USP26: variants seen among roughly 807,000 people sequenced by gnomAD.
USP26 encodes ubiquitin specific peptidase 26.
For missense variants in USP26, 649 were observed against 642.3 expected (o/e 1.01, Z -0.11); for synonymous variants, 236 against 240.6 (o/e 0.98, Z 0.18).
At position 133,027,988 on chromosome X, in the gene USP26, T is replaced by C; in HGVS notation, c.233A>G (p.Asn78Ser). The change falls in exon 6 of 6, where the codon AAT becomes AGT. Residue 78 changes from asparagine (N) to serine (S), a missense_variant. Transcript: ENST00000511190. ...QNHLHLTLQN[N>S]NGLFIEGLSS... Reference sequence around the variant, plus strand: ...TAATCCTTCAATAAACAAGCCATTATTATTTTGTAAAGTTAAATGCAGGTG... The same window carrying C: ...TAATCCTTCAATAAACAAGCCATTACTATTTTGTAAAGTTAAATGCAGGTG... The C allele has an allele frequency of 6.6e-6, 8 of 1,211,762 alleles. No individual in the cohort carries two copies. Among genetic ancestry groups the C allele is most frequent in the Non-Finnish European group, 1.1e-6 (1 of 895,374 alleles).
intron 1 of USP26, among the ~76,000 whole-genome samples, chrX:133,096,187 T>C (rs1292950495): frequency 2.9e-5 from 3 of 103,298 alleles, no homozygotes; most frequent in African/African-American, 1.1e-4. Flanking sequence ...CCACCACAGC[T>C]AGAGAGGCAG....
At chrX:133,051,890 A>T (rs1289503448) in intron 5 of USP26, among the ~76,000 whole-genome samples, 2 of 112,322 alleles carry the variant, frequency 1.8e-5, no homozygotes, top group Non-Finnish European at 3.8e-5. Flanking sequence ...ACCGCCCAAG[A>T]TACAGTTGTT....
chrX:133,063,000 C>T (rs1166024391), intron 5 of USP26, among the ~76,000 whole-genome samples: 1 of 111,083 alleles, frequency 9.0e-6, no homozygotes, highest in African/African-American at 3.3e-5. Flanking sequence ...ACAGGAACTG[C>T]TAGCTAGAAT....
chrX:133,027,757 A>G lies in USP26; in HGVS notation c.464T>C (p.Leu155Pro). Residue 155 changes from leucine (L) to proline (P), a missense_variant, in exon 6 of 6, where the codon CTT (leucine) becomes CCT (proline). Leu to Pro is a moderately conservative substitution (Grantham distance 98, BLOSUM62 -3). Coordinates refer to ENST00000511190, the MANE Select transcript of USP26 (RefSeq NM_031907.3). ...EIAKGSGTGVLQRMPLLTSKL... is the reference protein window; with the variant it reads ...EIAKGSGTGVPQRMPLLTSKL... ...TGATGTAAGCAAAGGCATCCTCTGAAGGACACCTGTCCCACTTCCTTTTGC... is the reference window on the plus strand; with the variant it reads ...TGATGTAAGCAAAGGCATCCTCTGAGGGACACCTGTCCCACTTCCTTTTGC... 1.7e-6 allele frequency: 2 copies of G among 1,210,273 alleles called. No homozygotes were observed. The highest frequency in any genetic ancestry group is 2.2e-6 in the Non-Finnish European group (2 of 894,358).
chrX:133,089,387 C>T (rs918824638), intron 4 of USP26, among the ~76,000 whole-genome samples: 1 of 111,751 alleles, frequency 8.9e-6, no homozygotes, highest in Non-Finnish European at 1.9e-5. Context: ...TCTAGGACTG[C>T]TAGTTAATAG....
chrX:133,067,966 G>T (rs1040181376), intron 5 of USP26, among the ~76,000 whole-genome samples: 1 of 111,827 alleles, frequency 8.9e-6, no homozygotes, highest in African/African-American at 3.2e-5. Context: ...AAGAAGCAGT[G>T]CCTCAATAGC....
intron 5 of USP26, among the ~76,000 whole-genome samples, chrX:133,051,278 T>C (rs1177274791): frequency 9.0e-6 from 1 of 111,520 alleles, no homozygotes; most frequent in Non-Finnish European, 1.9e-5. Context: ...TGAATACATA[T>C]ATGACAGCTG....
intron 2 of USP26, among the ~76,000 whole-genome samples, chrX:133,091,091 C>T (rs768171774): frequency 1.3e-4 from 15 of 112,317 alleles, no homozygotes; most frequent in African/African-American, 4.2e-4. Context: ...GAAACTGGAA[C>T]CTTGTCATAC....
rs370839298 is a variant in USP26, at chrX:133,078,406, TTCTC to T, written c.-77+5297_-77+5300del. ...AAAACCCCTCTGAACTTGCCCTCCA[TTCTC>T]TCTCTTGATTAGTCACTTTCTGAAG... On this transcript the variant is annotated intron_variant, in intron 5 of 5. Coordinates refer to ENST00000511190, the MANE Select transcript of USP26 (RefSeq NM_031907.3). 2.8e-3 allele frequency among the ~76,000 whole-genome samples: 309 copies of T among 111,990 alleles called. 2 individuals are homozygous for T. The highest frequency in any genetic ancestry group is 9.7e-3 in the African/African-American group (300 of 30,859).
rs1208091574 is a variant in USP26, at chrX:133,024,576, T to G, written c.*903A>C. ...AAAAGTTATCAGCCTCATTTTTTAT[T>G]GCCAGGATCCCAGCAACTATTTTTT... On this transcript the variant is annotated 3_prime_UTR_variant, in exon 6 of 6. Coordinates refer to ENST00000511190, the MANE Select transcript of USP26 (RefSeq NM_031907.3). 8.9e-6 allele frequency: 1 copy of G among 112,358 alleles called. No individual in the cohort carries two copies. Among genetic ancestry groups the G allele is most frequent in the Non-Finnish European group, 1.9e-5 (1 of 53,298 alleles). The allele number at this position is 112,358 out of a possible 1,213,427, so 9.3% of individuals were successfully genotyped here.
chrX:133,081,409 G>A (rs2067569992), intron 5 of USP26, among the ~76,000 whole-genome samples: 1 of 92,758 alleles, frequency 1.1e-5, no homozygotes, highest in Non-Finnish European at 2.1e-5. Flanking sequence ...AGATTTTCCA[G>A]CCTCAGCCTC....
In USP26 at chrX:133,028,210, A is replaced by T; in HGVS notation, c.11T>A (p.Leu4Gln). The change falls in exon 6 of 6, where the codon CTA (leucine) becomes CAA (glutamine). Residue 4 changes from leucine to glutamine, a missense_variant. Physicochemically the swap from Leu to Gln is moderately radical, Grantham distance 113. Coordinates refer to ENST00000511190, the MANE Select transcript of USP26 (RefSeq NM_031907.3). ...TATTTGGACAAAACCACGTAGGAAT[A>T]GGGCAGCCATGTTTTCTTTACAAAT... MAA[L>Q]FLRGFVQIGN... is the part of the protein sequence containing the mutation. The T allele has an allele frequency of 8.3e-7, 1 of 1,209,466 alleles. No individual in the cohort carries two copies. The highest frequency in any genetic ancestry group is 1.1e-6 in the Non-Finnish European group (1 of 893,353).
intron 4 of USP26, among the ~76,000 whole-genome samples, chrX:133,086,232 T>G (rs2067588156): frequency 8.9e-6 from 1 of 112,309 alleles, no homozygotes; most frequent in Non-Finnish European, 1.9e-5. Flanking sequence ...GCTTGCCATA[T>G]TTGTGATTGT....
intron 5 of USP26, among the ~76,000 whole-genome samples, chrX:133,058,574 C>G (rs779207129): frequency 3.6e-5 from 4 of 111,763 alleles, no homozygotes; most frequent in Non-Finnish European, 5.6e-5. Context: ...GAAGTTTGCT[C>G]TGTCTGAAAA....
intron 5 of USP26, among the ~76,000 whole-genome samples, chrX:133,069,029 G>C (rs947252699): frequency 9.0e-6 from 1 of 111,394 alleles, no homozygotes; most frequent in Non-Finnish European, 1.9e-5. Context: ...TGTTATTCGA[G>C]ATGTTTTTTA....
chrX:133,087,268 G>A (rs753357064), intron 4 of USP26, among the ~76,000 whole-genome samples: 1 of 112,032 alleles, frequency 8.9e-6, no homozygotes, highest in East Asian at 2.8e-4. Flanking sequence ...AGGACTTACT[G>A]TACTTACTAA....
rs1389445037 is a variant in USP26 at position 133,025,210 on chromosome X, C to A, written c.*269G>T. ...CTCTAGCCAGGATGACAGAGCAAGA[C>A]CCTGACTATATTAAAATGAAGAAGA... is the stretch of plus-strand genomic sequence containing the variant. On this transcript the variant is annotated 3_prime_UTR_variant, in exon 6 of 6. Transcript: ENST00000511190. 1.4e-5 allele frequency: 5 copies of A among 366,438 alleles called. No homozygotes were observed. Among genetic ancestry groups the A allele is most frequent in the African/African-American group, 2.6e-5 (1 of 38,365 alleles). The allele number at this position is 366,438 out of a possible 1,213,427, so 30.2% of individuals were successfully genotyped here.
chrX:133,063,073 G>GT (rs2067498765), intron 5 of USP26, among the ~76,000 whole-genome samples: 2 of 111,230 alleles, frequency 1.8e-5, no homozygotes, highest in South Asian at 3.9e-4. Flanking sequence ...CAGGAACTTT[G>GT]TGAAGCATAC....
Position 133,026,709 on chromosome X carries a change from G to A in USP26, c.1512C>T (p.Ser504=), listed in dbSNP as rs778798525. The A allele has an allele frequency of 3.6e-5, 43 of 1,207,732 alleles. No homozygotes were observed. Among genetic ancestry groups the A allele is most frequent in the African/African-American group, 5.3e-5 (3 of 56,732 alleles). ...YKCAKCEHKT[S]VGVHSFSRLP... is the part of the protein sequence containing the mutation. Reference sequence around the variant, plus strand: ...GCCTACTGAATGAGTGCACTCCAACGGAAGTCTTGTGCTCACATTTTGCAC... The same window carrying A: ...GCCTACTGAATGAGTGCACTCCAACAGAAGTCTTGTGCTCACATTTTGCAC... Residue 504 remains serine (S), a synonymous_variant, in exon 6 of 6, where the codon TCC becomes TCT. Transcript: ENST00000511190.
Sources: allele counts gnomAD v4.1 joint callset (sites outside exome capture counted in the v4.1 genomes callset), GRCh38; gene constraint gnomAD v4.1.1; transcripts MANE v1.5; gene names NCBI Gene and HGNC (gene_info 2026-07-23, HGNC 2026-07-21).